ASCC3: variants seen among roughly 807,000 people sequenced by gnomAD.
ASCC3 encodes the protein ASC-1 complex subunit P200.
In ASCC3, 158 loss-of-function variants were observed where a neutral mutation model predicts 256.3. The observed-to-expected ratio is 0.62, with a 90% CI of 0.54 to 0.70. ASCC3 has a LOEUF of 0.70. Ranked by LOEUF, ASCC3 falls within the 30% of genes least tolerant of loss-of-function variation. ASCC3 has a pLI of 0.00. For missense variants in ASCC3, 2,259 were observed against 2,626.0 expected, an observed-to-expected ratio of 0.86 and a Z score of 3.05; for synonymous variants, 948 against 883.4, an observed-to-expected ratio of 1.07 and a Z score of -1.30.
chr6:100,607,337 T>C (rs1199862712), intron 30 of ASCC3, among the ~76,000 whole-genome samples: 1 of 152,030 alleles, frequency 6.6e-6, no homozygotes, highest in Non-Finnish European at 1.5e-5. Flanking sequence ...AAAAAAAATC[T>C]GTAGATAAAT....
chr6:100,880,459 T>C (rs1315669037), intron 1 of ASCC3, among the ~76,000 whole-genome samples: 2 of 152,186 alleles, frequency 1.3e-5, no homozygotes, highest in South Asian at 2.1e-4. Flanking sequence ...AACCAAAGAA[T>C]AGCAAATACC....
Position 100,516,347 on chromosome 6 carries a change from C to G in ASCC3, c.5928-20G>C. On this transcript the variant is annotated intron_variant, in intron 38 of 41. Transcript: ENST00000369162. ...CATTTCCTAGGAAATAATATCAAAC[C>G]AACCAAATAATTGTTTCACAGCACA... 1.1e-5 allele frequency: 17 copies of G among 1,613,168 alleles called. No individual in the cohort carries two copies. Among genetic ancestry groups the G allele is most frequent in the Non-Finnish European group, 1.4e-5 (17 of 1,179,416 alleles).
intron 13 of ASCC3, among the ~76,000 whole-genome samples, chr6:100,691,996 G>C (rs536451439): frequency 9.9e-5 from 15 of 152,074 alleles, no homozygotes; most frequent in African/African-American, 3.6e-4. Flanking sequence ...GAAGACACCT[G>C]GCACATGGAA....
intron 37 of ASCC3, among the ~76,000 whole-genome samples, chr6:100,536,098 A>T (rs750833029): frequency 3.9e-5 from 6 of 152,192 alleles, no homozygotes; most frequent in African/African-American, 1.4e-4. Flanking sequence ...GAAAAAAAGA[A>T]CTGTAAACAA....
chr6:100,603,012 A>G (rs776356813), intron 33 of ASCC3, among the ~76,000 whole-genome samples: 2 of 152,090 alleles, frequency 1.3e-5, no homozygotes, highest in African/African-American at 2.4e-5. Context: ...AATTTGTAAT[A>G]TCTATCTGAA....
At chr6:100,579,971 T>C (rs1435824423) in intron 36 of ASCC3, among the ~76,000 whole-genome samples, 1 of 152,180 alleles carries the variant, frequency 6.6e-6, no homozygotes, top group Admixed American at 6.5e-5. Flanking sequence ...CGAAAGGTTT[T>C]TCCATTTGTT....
chr6:100,519,027 T>C (rs896340640), intron 37 of ASCC3, among the ~76,000 whole-genome samples: 1 of 152,136 alleles, frequency 6.6e-6, no homozygotes, highest in African/African-American at 2.4e-5. Context: ...GCAAAATATT[T>C]ATAAAATGTA....
intron 14 of ASCC3, among the ~76,000 whole-genome samples, chr6:100,672,220 T>C (rs1183776404): frequency 1.3e-5 from 2 of 152,090 alleles, no homozygotes; most frequent in Non-Finnish European, 2.9e-5. Flanking sequence ...ATTTAATTAG[T>C]TGTTTAATCT....
At chr6:100,695,556 A>G (rs185525015) in intron 13 of ASCC3, among the ~76,000 whole-genome samples, 63 of 152,240 alleles carry the variant, frequency 4.1e-4, no homozygotes, top group African/African-American at 1.4e-3. Context: ...ATTTTCTCCA[A>G]TTCAAAGGGT....
At chr6:100,837,624 C>A (rs994631925) in intron 4 of ASCC3, among the ~76,000 whole-genome samples, 1 of 151,922 alleles carries the variant, frequency 6.6e-6, no homozygotes, top group Non-Finnish European at 1.5e-5. Flanking sequence ...TAAAATAAGC[C>A]GGGCACAGTA....
chr6:100,624,648 GA>G, intron 30 of ASCC3, among the ~76,000 whole-genome samples: 1 of 151,858 alleles, frequency 6.6e-6, no homozygotes, highest in South Asian at 2.1e-4. Context: ...TCTATACTGA[GA>G]AAATAATTTT....
At chr6:100,799,871 G>T (rs1216368734) in intron 6 of ASCC3, among the ~76,000 whole-genome samples, 1 of 151,622 alleles carries the variant, frequency 6.6e-6, no homozygotes, top group Non-Finnish European at 1.5e-5. Context: ...TTTCTTTTTT[G>T]AAATGTGTTT....
chr6:100,659,394 A>G (rs138886431), intron 16 of ASCC3, among the ~76,000 whole-genome samples: 1 of 151,506 alleles, frequency 6.6e-6, no homozygotes, highest in East Asian at 1.9e-4. Flanking sequence ...TTAATAGGGA[A>G]CTATTCCAAT....
At chr6:100,847,971 T>C (rs945807886) in intron 4 of ASCC3, 177 bp downstream of exon 4, 1 of 572,022 alleles carries the variant, frequency 1.7e-6, no homozygotes, top group East Asian at 3.0e-5. Flanking sequence ...TCAGACCTCC[T>C]GTAACTATCC....
rs544908672 is a variant in ASCC3 at position 100,589,041 on chromosome 6, T to C, written c.5550+593A>G. Among the ~76,000 whole-genome samples, 86 of 152,264 alleles carry C rather than the reference T, an allele frequency of 5.6e-4. No individual in the cohort carries two copies. The East Asian group carries it at 0.016, about 28-fold the overall frequency. ...GAAAAAAAGCCAGAAGGGGACATTATGTAGAAGGAAAGGTGGACAAGATGC... is the reference window on the plus strand; with the variant it reads ...GAAAAAAAGCCAGAAGGGGACATTACGTAGAAGGAAAGGTGGACAAGATGC... On this transcript the variant is annotated intron_variant, in intron 36 of 41. Coordinates refer to ENST00000369162, the MANE Select transcript of ASCC3 (RefSeq NM_006828.4).
intron 36 of ASCC3, among the ~76,000 whole-genome samples, chr6:100,561,698 T>C (rs767941651): frequency 3.4e-4 from 52 of 152,150 alleles, no homozygotes; most frequent in Non-Finnish European, 2.6e-4. Flanking sequence ...AGCAAAGTAA[T>C]ACTGTCAGCT....
rs150789586 is a variant in ASCC3, at chr6:100,569,776, G to A, written c.5550+19858C>T. 2.5e-4 allele frequency among the ~76,000 whole-genome samples: 38 copies of A among 152,038 alleles called. No homozygotes were observed. The East Asian group carries it at 6.6e-3, about 26-fold the overall frequency. ...GCATGGCTATTTGCCCTCTTTTTTG[G>A]TTCTACATGAATTTTAAAATAGGTT... On this transcript the variant is annotated intron_variant, in intron 36 of 41. Coordinates refer to ENST00000369162, the MANE Select transcript of ASCC3 (RefSeq NM_006828.4).
At chr6:100,638,245 G>A (rs1247742102) in intron 25 of ASCC3, among the ~76,000 whole-genome samples, 1 of 152,170 alleles carries the variant, frequency 6.6e-6, no homozygotes. Flanking sequence ...AGGCTGAGAT[G>A]ATTGATAATA....
At chr6:100,687,181 T>C (rs774401126) in intron 13 of ASCC3, among the ~76,000 whole-genome samples, 50 of 152,128 alleles carry the variant, frequency 3.3e-4, no homozygotes, top group Non-Finnish European at 6.8e-4. Flanking sequence ...TTATATTCTA[T>C]AGAGGTGTAT....
Sources: allele counts gnomAD v4.1 joint callset (sites outside exome capture counted in the v4.1 genomes callset), GRCh38; gene constraint gnomAD v4.1.1; transcripts MANE v1.5; gene names NCBI Gene and HGNC (gene_info 2026-07-23, HGNC 2026-07-21).